The following KSR2 variants were observed in gnomAD, a reference collection of about 807,000 sequenced individuals.
The protein encoded by KSR2 is kinase suppressor of ras 2.
In KSR2, 25 loss-of-function variants were observed where a neutral mutation model predicts 107.8. That is an observed-to-expected ratio of 0.23 (90% CI 0.17 to 0.32). The LOEUF (loss-of-function observed/expected upper bound fraction) is 0.32, where lower values mean the gene tolerates loss of function less well. KSR2 is among the 10% of genes least tolerant of loss of function. The pLI is 1.00. For missense variants in KSR2, 887 were observed against 1,268.9 expected (o/e 0.70, Z 4.57); for synonymous variants, 480 against 507.0 (o/e 0.95, Z 0.71).
At chr12:117,631,462 G>T (rs1326896448) in intron 5 of KSR2, among the ~76,000 whole-genome samples, 2 of 152,082 alleles carry the variant, frequency 1.3e-5, no homozygotes, top group Admixed American at 1.3e-4. Flanking sequence ...TTTATTTTAT[G>T]ACTAAACAAC....
At chr12:117,756,488 T>C (rs1361307040) in intron 4 of KSR2, among the ~76,000 whole-genome samples, 1 of 152,230 alleles carries the variant, frequency 6.6e-6, no homozygotes, top group Non-Finnish European at 1.5e-5. Flanking sequence ...CTGAATATTT[T>C]AAGCCCACTG....
chr12:117,809,601 T>C (rs111276823), intron 3 of KSR2, among the ~76,000 whole-genome samples: 10 of 152,356 alleles, frequency 6.6e-5, no homozygotes, highest in African/African-American at 1.7e-4. Context: ...CTCTGTTGCT[T>C]TGCCCCACTT....
At chr12:117,534,169 T>C (rs922565175) in intron 10 of KSR2, among the ~76,000 whole-genome samples, 1 of 152,066 alleles carries the variant, frequency 6.6e-6, no homozygotes, top group Non-Finnish European at 1.5e-5. Flanking sequence ...ATGCCTACCC[T>C]GAGGCCTCCC....
At chr12:117,880,454 C>A (rs1893989702) in intron 1 of KSR2, among the ~76,000 whole-genome samples, 1 of 151,828 alleles carries the variant, frequency 6.6e-6, no homozygotes, top group Non-Finnish European at 1.5e-5. Flanking sequence ...GGAAAAAGCA[C>A]CCCAAGCCCC....
chr12:117,752,084 T>C (rs1888631554), intron 4 of KSR2, among the ~76,000 whole-genome samples: 1 of 152,234 alleles, frequency 6.6e-6, no homozygotes, highest in South Asian at 2.1e-4. Flanking sequence ...ACATAATGAA[T>C]CTGTTAGGCA....
intron 5 of KSR2, among the ~76,000 whole-genome samples, chr12:117,608,769 GA>G (rs1488344058): frequency 6.6e-6 from 1 of 151,968 alleles, no homozygotes; most frequent in Non-Finnish European, 1.5e-5. Flanking sequence ...AGGGACCAAT[GA>G]AAGCCAAAGT....
At chr12:117,852,123 A>T (rs1249476485) in intron 3 of KSR2, among the ~76,000 whole-genome samples, 2 of 151,984 alleles carry the variant, frequency 1.3e-5, no homozygotes, top group Non-Finnish European at 2.9e-5. Context: ...AAAAATTTTT[A>T]AAAAGATCAG....
chr12:117,601,299 G>C (rs541746181), intron 5 of KSR2, among the ~76,000 whole-genome samples: 5 of 150,036 alleles, frequency 3.3e-5, no homozygotes, highest in African/African-American at 5.0e-5. Flanking sequence ...AGATCTTGGG[G>C]GGGGGGGTAC....
intron 1 of KSR2, among the ~76,000 whole-genome samples, chr12:117,915,636 A>T (rs913871675): frequency 1.3e-5 from 2 of 152,220 alleles, no homozygotes; most frequent in Non-Finnish European, 2.9e-5. Flanking sequence ...CCGGGAAAAC[A>T]GTCTTATCTC....
At chr12:117,759,008 C>A (rs1262044888) in intron 4 of KSR2, among the ~76,000 whole-genome samples, 3 of 152,182 alleles carry the variant, frequency 2.0e-5, no homozygotes, top group Admixed American at 6.5e-5. Context: ...GTGGCTCTCA[C>A]AAAACCATGC....
At chr12:117,766,569 G>C (rs1234142364) in intron 3 of KSR2, among the ~76,000 whole-genome samples, 3 of 152,110 alleles carry the variant, frequency 2.0e-5, no homozygotes, top group African/African-American at 7.2e-5. Context: ...TACATAAAAT[G>C]AATCAGTAAG....
chr12:117,921,004 T>C (rs1450101010), intron 1 of KSR2, among the ~76,000 whole-genome samples: 1 of 152,204 alleles, frequency 6.6e-6, no homozygotes, highest in Non-Finnish European at 1.5e-5. Flanking sequence ...TATTTTATCT[T>C]TGAGAGGCAA....
At chr12:117,812,902 C>T (rs1891248022) in intron 3 of KSR2, among the ~76,000 whole-genome samples, 1 of 146,492 alleles carries the variant, frequency 6.8e-6, no homozygotes. Context: ...ATCACACCAC[C>T]AGCACCAGAC....
rs1340989678 is a variant in KSR2 at position 117,806,722 on chromosome 12, ACC to A, written c.473-45200_473-45199del. ...CCATCTGCTCTGGCTCTATGGGTTT[ACC>A]CATTCTGGACATTTCATAGAAATGG... On this transcript the variant is annotated intron_variant, in intron 3 of 19. Transcript: ENST00000339824. Among the ~76,000 whole-genome samples, 13 of 152,300 alleles carry A rather than the reference ACC, an allele frequency of 8.5e-5. No individual in the cohort carries two copies. In the East Asian group the frequency reaches 2.5e-3, roughly 29 times the overall value.
chr12:117,808,314 A>C (rs1470923311), intron 3 of KSR2, among the ~76,000 whole-genome samples: 1 of 152,206 alleles, frequency 6.6e-6, no homozygotes, highest in Admixed American at 6.5e-5. Context: ...TCTGATGCAC[A>C]GCCAAGCTTG....
chr12:117,766,719 A>G (rs1434730328), intron 3 of KSR2, among the ~76,000 whole-genome samples: 2 of 152,004 alleles, frequency 1.3e-5, no homozygotes, highest in Non-Finnish European at 2.9e-5. Context: ...CTAAGCCCAG[A>G]ACTTGAAGGT....
chr12:117,771,071 A>T (rs1405738875), intron 3 of KSR2, among the ~76,000 whole-genome samples: 1 of 152,170 alleles, frequency 6.6e-6, no homozygotes, highest in Non-Finnish European at 1.5e-5. Context: ...TGTGAAATAG[A>T]TGCTTTTACT....
At chr12:117,906,976 C>T (rs1434693602) in intron 1 of KSR2, among the ~76,000 whole-genome samples, 2 of 151,982 alleles carry the variant, frequency 1.3e-5, no homozygotes, top group East Asian at 1.9e-4. Context: ...GCCATGATCG[C>T]ACCACTGCAC....
rs190169715 is a variant in KSR2, at chr12:117,801,318, G to A, written c.473-39794C>T. Among the ~76,000 whole-genome samples the A allele has an allele frequency of 3.5e-3, 529 of 149,350 alleles. 1 individual carries two copies. The highest frequency in any genetic ancestry group is 0.012 in the African/African-American group (493 of 40,286). On this transcript the variant is annotated intron_variant, in intron 3 of 19. Coordinates refer to ENST00000339824, the MANE Select transcript of KSR2 (RefSeq NM_173598.6). Reference sequence around the variant, plus strand: ...TTTTTTTTGTATTTTTAGTAGAGACGAGGTTTTGTTATATTGGCCAGGCTG... The same window carrying A: ...TTTTTTTTGTATTTTTAGTAGAGACAAGGTTTTGTTATATTGGCCAGGCTG...
Sources: allele counts gnomAD v4.1 joint callset (sites outside exome capture counted in the v4.1 genomes callset), GRCh38; gene constraint gnomAD v4.1.1; transcripts MANE v1.5; gene names NCBI Gene and HGNC (gene_info 2026-07-23, HGNC 2026-07-21).